The following SEMA3A variants were observed in gnomAD, a reference collection of about 807,000 sequenced individuals.
The protein encoded by SEMA3A is semaphorin 3A, also known as semaphorin-3A.
A neutral mutation model predicts 97.9 loss-of-function variants in SEMA3A; 29 were observed. That is an observed-to-expected ratio of 0.30 (90% CI 0.22 to 0.40). The LOEUF (loss-of-function observed/expected upper bound fraction) is 0.40, where lower values mean the gene tolerates loss of function less well. SEMA3A is among the 10% of genes least tolerant of loss of function. The probability of loss-of-function intolerance (pLI) is 1.00; values close to 1 mark genes in which losing one functional copy is unlikely to be tolerated. For missense variants in SEMA3A, 763 were observed against 951.3 expected (o/e 0.80, Z 2.60); for synonymous variants, 321 against 323.7 (o/e 0.99, Z 0.09).
At chr7:84,252,545 C>G (rs1431464157) in intron 3 of SEMA3A, among the ~76,000 whole-genome samples, 1 of 152,116 alleles carries the variant, frequency 6.6e-6, no homozygotes, top group Non-Finnish European at 1.5e-5. Context: ...TACTGCTTAC[C>G]TAAGATATTT....
At chr7:84,150,998 A>C (rs1384276755) in intron 1 of SEMA3A, among the ~76,000 whole-genome samples, 6 of 148,242 alleles carry the variant, frequency 4.0e-5, no homozygotes, top group East Asian at 3.9e-4. Context: ...CTCACACTGC[A>C]GGGTACTCCA....
intron 4 of SEMA3A, among the ~76,000 whole-genome samples, chr7:84,095,172 C>A (rs1794720011): frequency 2.8e-5 from 4 of 141,696 alleles, no homozygotes; most frequent in Admixed American, 2.2e-4. Flanking sequence ...TTGCACATAT[C>A]TCTCTATATA....
intron 3 of SEMA3A, among the ~76,000 whole-genome samples, chr7:84,285,992 G>C: frequency 7.0e-6 from 1 of 143,076 alleles, no homozygotes; most frequent in East Asian, 2.1e-4. Context: ...AAAAAAAGAA[G>C]AAGAAGAAAG....
At chr7:83,966,745 A>T (rs936563164) in intron 15 of SEMA3A, among the ~76,000 whole-genome samples, 1 of 149,758 alleles carries the variant, frequency 6.7e-6, no homozygotes, top group Admixed American at 6.7e-5. Context: ...GAGTTTCCCT[A>T]TTGTTGCCCA....
At chr7:83,966,802 C>T (rs368939887) in intron 15 of SEMA3A, among the ~76,000 whole-genome samples, 1 of 151,924 alleles carries the variant, frequency 6.6e-6, no homozygotes, top group South Asian at 2.1e-4. Flanking sequence ...ACCTCCGCCT[C>T]CCGGGTTCAA....
chr7:84,363,472 A>G (rs1802772016), intron 2 of SEMA3A, among the ~76,000 whole-genome samples: 1 of 151,916 alleles, frequency 6.6e-6, no homozygotes, highest in African/African-American at 2.4e-5. Flanking sequence ...TTTAAAAACA[A>G]AAGTTTTAAC....
intron 1 of SEMA3A, among the ~76,000 whole-genome samples, chr7:84,377,191 T>G (rs753081817): frequency 5.7e-4 from 87 of 152,204 alleles, no homozygotes; most frequent in Admixed American, 1.7e-3. Flanking sequence ...AAGCTGATCT[T>G]GGCATAAGGT....
intron 3 of SEMA3A, among the ~76,000 whole-genome samples, chr7:84,242,261 G>A (rs1243226665): frequency 6.6e-6 from 1 of 152,132 alleles, no homozygotes; most frequent in Non-Finnish European, 1.5e-5. Context: ...CTGTCTATGA[G>A]CATGGAATGT....
intron 2 of SEMA3A, among the ~76,000 whole-genome samples, chr7:84,323,137 G>A (rs915183511): frequency 6.6e-6 from 1 of 152,152 alleles, no homozygotes; most frequent in Non-Finnish European, 1.5e-5. Context: ...CATAATAAAT[G>A]CTCCATAAGT....
rs527337382 is a variant in SEMA3A, at chr7:83,995,148, T to G, written c.1452+6807A>C. Among the ~76,000 whole-genome samples the G allele has an allele frequency of 7.2e-5, 11 of 152,276 alleles. No homozygotes were observed. The East Asian group carries it at 1.6e-3, about 22-fold the overall frequency. ...TCCCTGACCCCTTGCGCTTCCCAAG[T>G]GAGGCAATGCCTCACCCTGCTTCGG... On this transcript the variant is annotated intron_variant, in intron 12 of 16. Transcript: ENST00000265362.
At chr7:84,105,338 G>A (rs964001630) in intron 4 of SEMA3A, among the ~76,000 whole-genome samples, 9 of 152,176 alleles carry the variant, frequency 5.9e-5, no homozygotes, top group Admixed American at 4.6e-4. Context: ...TTTGGCCTGG[G>A]GCACTGTTAC....
chr7:84,299,354 C>CTG (rs2115817797), intron 3 of SEMA3A, among the ~76,000 whole-genome samples: 1 of 138,924 alleles, frequency 7.2e-6, no homozygotes, highest in Non-Finnish European at 1.5e-5. Context: ...CTCTCTCTCT[C>CTG]TCTCTCTCTC....
At chr7:84,214,194 A>T (rs1475568755) in intron 3 of SEMA3A, among the ~76,000 whole-genome samples, 1 of 152,226 alleles carries the variant, frequency 6.6e-6, no homozygotes, top group African/African-American at 2.4e-5. Context: ...TATTAAAAAA[A>T]ATTATCCCCA....
At chr7:84,023,723 A>C (rs1791419788) in intron 6 of SEMA3A, among the ~76,000 whole-genome samples, 1 of 152,170 alleles carries the variant, frequency 6.6e-6, no homozygotes, top group South Asian at 2.1e-4. Context: ...TTTAAAATGT[A>C]GATAGTGCCG....
chr7:84,352,979 C>T (rs612337), intron 2 of SEMA3A, among the ~76,000 whole-genome samples: 43,510 of 151,564 alleles, frequency 0.29, 6,720 homozygotes, highest in African/African-American at 0.38. Flanking sequence ...CCCTTAGTAT[C>T]CATGAGGGAT....
intron 3 of SEMA3A, among the ~76,000 whole-genome samples, chr7:84,301,617 T>G (rs914180962): frequency 3.9e-5 from 6 of 152,122 alleles, no homozygotes; most frequent in Non-Finnish European, 8.8e-5. Flanking sequence ...TTTTTTGTTT[T>G]AAGGGCTGAA....
In SEMA3A at chr7:84,132,663, T is replaced by G. The variant is rs76429463; in HGVS notation, c.270+2131A>C. Among the ~76,000 whole-genome samples the G allele has an allele frequency of 1.7e-3, 11 of 6,492 alleles. 1 individual carries two copies. Among genetic ancestry groups the G allele is most frequent in the African/African-American group, 6.7e-3 (11 of 1,634 alleles). 4.3% of individuals were successfully genotyped at this position (6,492 alleles called of 152,430 possible). On this transcript the variant is annotated intron_variant, in intron 2 of 16. Coordinates refer to ENST00000265362, the MANE Select transcript of SEMA3A (RefSeq NM_006080.3). ...CTAATTTTTCTTCATCGACTTGGTG[T>G]TTTTTTTTTTTTTTTTTTTTTTTTT...
At chr7:84,145,593 T>C (rs1796439890) in intron 1 of SEMA3A, among the ~76,000 whole-genome samples, 1 of 152,204 alleles carries the variant, frequency 6.6e-6, no homozygotes, top group Non-Finnish European at 1.5e-5. Flanking sequence ...ATAAACTGGC[T>C]ATCAAATAAC....
chr7:84,041,212 CTT>C (rs1792122865), intron 6 of SEMA3A, among the ~76,000 whole-genome samples: 2 of 151,886 alleles, frequency 1.3e-5, no homozygotes, highest in African/African-American at 4.8e-5. Flanking sequence ...TGCTAAAAGT[CTT>C]TATGTTCCTT....
Sources: allele counts gnomAD v4.1 joint callset (sites outside exome capture counted in the v4.1 genomes callset), GRCh38; gene constraint gnomAD v4.1.1; transcripts MANE v1.5; gene names NCBI Gene and HGNC (gene_info 2026-07-23, HGNC 2026-07-21).